Variants in CLEC4M observed in about 807,000 individuals in gnomAD.
CLEC4M encodes C-type lectin domain family 4 member M, also known as CD209 antigen-like protein 1.
In CLEC4M, 25 loss-of-function variants were observed where a neutral mutation model predicts 39.1. That is an observed-to-expected ratio of 0.64 (90% CI 0.47 to 0.89). CLEC4M has a LOEUF of 0.89. CLEC4M is among the 40% of genes least tolerant of loss of function. The probability of loss-of-function intolerance (pLI) is 0.00; values close to 1 mark genes in which losing one functional copy is unlikely to be tolerated. For missense variants in CLEC4M, 353 were observed against 431.4 expected, an observed-to-expected ratio of 0.82 and a Z score of 1.61; for synonymous variants, 155 against 177.4, an observed-to-expected ratio of 0.87 and a Z score of 1.00.
chr19:7,763,642 C>A (rs1033796088), intron 2 of CLEC4M, among the ~76,000 whole-genome samples, 166 bp downstream of exon 2: 1 of 150,826 alleles, frequency 6.6e-6, no homozygotes, highest in South Asian at 2.1e-4. Flanking sequence ...GAACTCCTCA[C>A]ACCTGGGGAG....
chr19:7,767,839 C>G, intron 6 of CLEC4M: 1 of 543,914 alleles, frequency 1.8e-6, no homozygotes, highest in East Asian at 3.0e-5. Flanking sequence ...GCAGGAGGAG[C>G]TTGCCCTGTG....
In CLEC4M at chr19:7,769,461, A is replaced by G. The variant is rs1334739420; in HGVS notation, c.*473A>G. 1 of 158,816 alleles carries G rather than the reference A, an allele frequency of 6.3e-6. No individual in the cohort carries two copies. The highest frequency in any genetic ancestry group is 5.9e-5 in the Admixed American group (1 of 16,838). 9.8% of individuals were successfully genotyped at this position (158,816 alleles called of 1,614,324 possible). On this transcript the variant is annotated 3_prime_UTR_variant, in exon 7 of 7. Transcript: ENST00000327325. Reference sequence around the variant, plus strand: ...GAAGCACCAGGGAATTAATTCCCCCAGTCAACCAATGGCATCCAGAGAGGG... The same window carrying G: ...GAAGCACCAGGGAATTAATTCCCCCGGTCAACCAATGGCATCCAGAGAGGG...
Position 7,767,575 on chromosome 19 carries a change from C to T in CLEC4M, c.996C>T (p.Asp332=), listed in dbSNP as rs1599522206. 6.2e-7 allele frequency: 1 copy of T among 1,614,170 alleles called. No homozygotes were observed. The highest frequency in any genetic ancestry group is 8.5e-7 in the Non-Finnish European group (1 of 1,180,038). The change falls in exon 6 of 7, where the codon GAC becomes GAT. Residue 332 remains aspartate (D), a synonymous_variant. Transcript: ENST00000327325. ...SNRFSWMGLS[D]LNQEGTWQWV... ...GCTTCTCCTGGATGGGACTTTCAGACCTAAATCAGGAAGGCACGTGGCAAT... is the reference window on the plus strand; with the variant it reads ...GCTTCTCCTGGATGGGACTTTCAGATCTAAATCAGGAAGGCACGTGGCAAT...
chr19:7,765,154 C>G (rs199688006), intron 2 of CLEC4M, 31 bp from the exon 3 acceptor site: 2 of 1,612,086 alleles, frequency 1.2e-6, no homozygotes. Context: ...GGTGGGAACA[C>G]TGGCAGGCTG....
chr19:7,763,603 G>T, intron 2 of CLEC4M, 127 bp downstream of exon 2: 1 of 734,850 alleles, frequency 1.4e-6, no homozygotes, highest in Non-Finnish European at 2.2e-6. Flanking sequence ...CTGGGTTCCT[G>T]GGTCCTGAAG....
At chr19:7,764,237 G>C (rs191511227) in intron 2 of CLEC4M, among the ~76,000 whole-genome samples, 3 of 151,996 alleles carry the variant, frequency 2.0e-5, no homozygotes, top group East Asian at 3.9e-4. Context: ...TGTGCAGGGG[G>C]AAGCATATTA....
At chr19:7,767,357 A>T in intron 5 of CLEC4M, 159 bp from the exon 6 acceptor site, 1 of 601,814 alleles carries the variant, frequency 1.7e-6, no homozygotes, top group East Asian at 2.8e-5. Context: ...CCATGGGGAT[A>T]CAGATGTGAG....
intron 5 of CLEC4M, 178 bp downstream of exon 5, chr19:7,766,985 A>C (rs907071430): frequency 6.5e-6 from 7 of 1,084,200 alleles, no homozygotes; most frequent in Non-Finnish European, 2.6e-6. Flanking sequence ...ACCAGATCTG[A>C]ACACATGTGA....
chr19:7,765,080 G>A, intron 2 of CLEC4M, 105 bp from the exon 3 acceptor site: 9 of 1,239,834 alleles, frequency 7.3e-6, no homozygotes, highest in African/African-American at 1.5e-5. Flanking sequence ...AGGGGGCTGG[G>A]GCTGGGGTTC....
chr19:7,765,371 C>A (rs760325881), intron 3 of CLEC4M, 103 bp downstream of exon 3: 2 of 1,358,554 alleles, frequency 1.5e-6, no homozygotes, highest in Non-Finnish European at 2.1e-6. Flanking sequence ...GACTGAGAGC[C>A]AAGATGTTGT....
rs62128260 is a variant in CLEC4M at position 7,768,990 on chromosome 19, T to A, written c.*2T>A. 0.11 allele frequency: 178,509 copies of A among 1,613,354 alleles called. 11,064 individuals carry two copies. The highest frequency in any genetic ancestry group is 0.14 in the Middle Eastern group (856 of 6,058). On this transcript the variant is annotated 3_prime_UTR_variant, in exon 7 of 7. Transcript: ENST00000327325. ...GCAGCCTGCTTCAGAGACGAATAGT[T>A]GTTTCCCTGCTAGCCTCAGCCTCCA...
At chr19:7,764,826 TTC>T (rs1434193069) in intron 2 of CLEC4M, among the ~76,000 whole-genome samples, 3 of 152,218 alleles carry the variant, frequency 2.0e-5, no homozygotes, top group Admixed American at 2.0e-4. Context: ...TTCCACCTCT[TTC>T]TCTTCCTCAG....
chr19:7,766,511 G>C, intron 4 of CLEC4M, 145 bp from the exon 5 acceptor site: 1 of 1,506,584 alleles, frequency 6.6e-7, no homozygotes, highest in South Asian at 1.3e-5. Context: ...AGTAGGGAGA[G>C]GAATGGTCTC....
chr19:7,767,062 T>C, intron 5 of CLEC4M: 1 of 582,356 alleles, frequency 1.7e-6, no homozygotes, highest in Non-Finnish European at 2.9e-6. Context: ...AACGGCCAGC[T>C]CTCCGGAGAG....
In CLEC4M at chr19:7,768,877, C is replaced by T. The variant is rs763218720; in HGVS notation, c.1089C>T (p.Ser363=). Residue 363 remains serine, a synonymous_variant, in exon 7 of 7, where the codon AGC becomes AGT. Transcript: ENST00000327325. ...GGAACAGTGGAGAACCCAACAATAG[C>T]GGGAATGAAGACTGTGCGGAATTTA... is the stretch of plus-strand genomic sequence containing the variant. The part of the protein sequence containing the change: ...RYWNSGEPNN[S]GNEDCAEFSG... The T allele has an allele frequency of 8.1e-6, 13 of 1,613,964 alleles. No homozygotes were observed. The highest frequency in any genetic ancestry group is 2.2e-5 in the East Asian group (1 of 44,904).
chr19:7,765,297 T>C (rs1599508976), intron 3 of CLEC4M, 29 bp downstream of exon 3: 2 of 1,611,468 alleles, frequency 1.2e-6, no homozygotes, highest in South Asian at 1.1e-5. Flanking sequence ...GGGTCTGGGG[T>C]CCCCAGGCCT....
At chr19:7,767,399 G>A (rs1219947078) in intron 5 of CLEC4M, 117 bp from the exon 6 acceptor site, 2 of 718,440 alleles carry the variant, frequency 2.8e-6, no homozygotes, top group Non-Finnish European at 4.8e-6. Flanking sequence ...CTCAGGACCT[G>A]CTATATCAGA....
intron 2 of CLEC4M, 108 bp downstream of exon 2, chr19:7,763,584 GTCTGAGACCTGGGTTCC>G: frequency 1.1e-6 from 1 of 903,350 alleles, no homozygotes; most frequent in Non-Finnish European, 1.7e-6. Context: ...GGGAAGGAAG[GTCTGAGACCTGGGTTCC>G]TGGGTCCTGA....
At position 7,763,371 on chromosome 19, in the gene CLEC4M, G is replaced by A. The variant is rs1276684264; in HGVS notation, c.47-22G>A. 6.2e-6 allele frequency: 10 copies of A among 1,613,602 alleles called. No homozygotes were observed. The Admixed American group carries it at 1.5e-4, about 24-fold the overall frequency. On this transcript the variant is annotated intron_variant, in intron 1 of 6. Transcript: ENST00000327325. ...AAGGGGAAGGGATGGCCCAGGCTCT[G>A]AGCTGATGTCTGTCAATTCAGAAGA...
Sources: allele counts gnomAD v4.1 joint callset (sites outside exome capture counted in the v4.1 genomes callset), GRCh38; gene constraint gnomAD v4.1.1; transcripts MANE v1.5; gene names NCBI Gene and HGNC (gene_info 2026-07-23, HGNC 2026-07-21).